CD69: variants seen among roughly 807,000 people sequenced by gnomAD.
CD69 encodes the protein early activation antigen CD69.
In CD69, 10 loss-of-function variants were observed where a neutral mutation model predicts 21.4. That is an observed-to-expected ratio of 0.47 (90% CI 0.29 to 0.79). The LOEUF is 0.79. Ranked by LOEUF, CD69 falls within the 30% of genes least tolerant of loss-of-function variation. The pLI is 0.09. For synonymous variants in CD69, 63 were observed against 78.2 expected (o/e 0.81, Z 1.03); for missense variants, 204 against 236.9 (o/e 0.86, Z 0.91).
intron 1 of CD69, 55 bp from the exon 2 acceptor site, chr12:9,756,474 A>G: frequency 4.3e-6 from 6 of 1,393,514 alleles, no homozygotes; most frequent in Non-Finnish European, 5.9e-6. Flanking sequence ...GTACTATAGG[A>G]ATATGCAACA....
At chr12:9,756,789 A>G (rs1866683011) in intron 1 of CD69, among the ~76,000 whole-genome samples, 1 of 152,190 alleles carries the variant, frequency 6.6e-6, no homozygotes, top group South Asian at 2.1e-4. Flanking sequence ...ACACATAAAA[A>G]AATTCTAGGG....
intron 2 of CD69, among the ~76,000 whole-genome samples, chr12:9,755,484 G>A (rs3176797): frequency 0.034 from 5,128 of 152,240 alleles, 291 homozygotes; most frequent in African/African-American, 0.12. Context: ...GAGGATGAGG[G>A]GATGTACTTT....
chr12:9,760,673 G>T, intron 1 of CD69, 84 bp downstream of exon 1: 1 of 941,438 alleles, frequency 1.1e-6, no homozygotes, highest in Non-Finnish European at 1.7e-6. Context: ...TATATAGAGA[G>T]ATTACCAGTA....
In CD69 at chr12:9,760,859, T is replaced by C. The variant is rs775971955; in HGVS notation, c.-39A>G. 1 of 1,544,460 alleles carries C rather than the reference T, an allele frequency of 6.5e-7. No individual in the cohort carries two copies. The highest frequency in any genetic ancestry group is 2.2e-5 in the East Asian group (1 of 44,560). On this transcript the variant is annotated 5_prime_UTR_variant, in exon 1 of 5. Coordinates refer to ENST00000228434, the MANE Select transcript of CD69 (RefSeq NM_001781.2). ...ATTCCCTAGTTAATCTCAGGTCAAG[T>C]CAAGCTACAGTGAAAGTCTTTGCTG...
chr12:9,760,653 T>G, intron 1 of CD69, 104 bp downstream of exon 1: 1 of 809,640 alleles, frequency 1.2e-6, no homozygotes, highest in Non-Finnish European at 2.0e-6. Flanking sequence ...TTCTCTAAGA[T>G]TATATATCAT....
In CD69 at chr12:9,753,547, G is replaced by A; in HGVS notation, c.534C>T (p.Asn178=). The change falls in exon 5 of 5, where the codon AAC becomes AAT. Residue 178 remains asparagine (N), a synonymous_variant. Transcript: ENST00000228434. The part of the protein sequence containing the change: ...TGSDKCVFLK[N]TEVSSMECEK... The stretch of plus-strand genomic sequence containing the variant: ...CACATTCCATGCTGCTGACCTCTGT[G>A]TTTTTCAGAAAAACACACTTGTCAG... 1 of 1,589,086 alleles carries A rather than the reference G, an allele frequency of 6.3e-7. No individual in the cohort carries two copies. Among genetic ancestry groups the A allele is most frequent in the Non-Finnish European group, 8.6e-7 (1 of 1,159,598 alleles).
At chr12:9,755,625 G>A (rs1431116612) in intron 2 of CD69, among the ~76,000 whole-genome samples, 1 of 152,142 alleles carries the variant, frequency 6.6e-6, no homozygotes, top group East Asian at 1.9e-4. Flanking sequence ...ATGCAGAGGC[G>A]GAAGAATTTG....
At position 9,753,466 on chromosome 12, in the gene CD69, G is replaced by T. The variant is rs751939370; in HGVS notation, c.*15C>A. ...TTCCATTCTATAATAGTCAATAAGT[G>T]AACATGTTTCCTTATTATTTGTAAG... On this transcript the variant is annotated 3_prime_UTR_variant, in exon 5 of 5. Transcript: ENST00000228434. 9.3e-7 allele frequency: 1 copy of T among 1,070,770 alleles called. No individual in the cohort carries two copies. The highest frequency in any genetic ancestry group is 1.3e-5 in the South Asian group (1 of 76,768). 66.3% of individuals were successfully genotyped at this position (1,070,770 alleles called of 1,614,324 possible). A position where few individuals can be genotyped will look rare whatever the true frequency, so the allele number is the denominator to read the frequency against.
At chr12:9,757,746 CTT>C (rs1866691121) in intron 1 of CD69, among the ~76,000 whole-genome samples, 1 of 152,072 alleles carries the variant, frequency 6.6e-6, no homozygotes, top group African/African-American at 2.4e-5. Flanking sequence ...CAGTAGTTGC[CTT>C]TGTGTGTGTA....
At chr12:9,754,991 G>T in intron 3 of CD69, 71 bp downstream of exon 3, 1 of 1,263,438 alleles carries the variant, frequency 7.9e-7, no homozygotes. Context: ...TCTCCACTTA[G>T]AAACGGAAGG....
chr12:9,752,757 T>C lies in CD69; in HGVS notation c.*724A>G, dbSNP rs1236826191. 6.6e-6 allele frequency: 1 copy of C among 152,628 alleles called. No individual in the cohort carries two copies. The highest frequency in any genetic ancestry group is 1.5e-5 in the Non-Finnish European group (1 of 68,030). 9.5% of individuals were successfully genotyped at this position (152,628 alleles called of 1,614,324 possible). A position where few individuals can be genotyped will look rare whatever the true frequency, so the allele number is the denominator to read the frequency against. On this transcript the variant is annotated 3_prime_UTR_variant, in exon 5 of 5. Transcript: ENST00000228434. ...ACACTATTCTATGTCTTGCAAATAT[T>C]CCTCATAGTCTTTGCTTATGTCTTT...
At chr12:9,757,566 C>T (rs142729530) in intron 1 of CD69, among the ~76,000 whole-genome samples, 289 of 152,110 alleles carry the variant, frequency 1.9e-3, no homozygotes, top group African/African-American at 6.7e-3. Context: ...CAAGGGAATT[C>T]CGCTCAGCAA....
At chr12:9,756,487 C>A (rs1308770339) in intron 1 of CD69, 68 bp from the exon 2 acceptor site, 19 of 1,267,118 alleles carry the variant, frequency 1.5e-5, no homozygotes, top group Non-Finnish European at 2.0e-5. Flanking sequence ...ATGCAACATT[C>A]TTTTGAGGCA....
rs745992202 is a variant in CD69, at chr12:9,754,790, C to T, written c.388-100G>A. 48 of 824,554 alleles carry T rather than the reference C, an allele frequency of 5.8e-5. No individual in the cohort carries two copies. The African/African-American group carries it at 7.6e-4, about 13-fold the overall frequency. 51.1% of individuals were successfully genotyped at this position (824,554 alleles called of 1,614,324 possible). A position where few individuals can be genotyped will look rare whatever the true frequency, so the allele number is the denominator to read the frequency against. The stretch of plus-strand genomic sequence containing the variant: ...AAAGCTGCAACTTGAGGCATGACAG[C>T]TTATCTGACCATGTACTCATTCTAT... On this transcript the variant is annotated intron_variant, in intron 3 of 4. Transcript: ENST00000228434.
At chr12:9,759,827 T>C (rs185147548) in intron 1 of CD69, among the ~76,000 whole-genome samples, 64 of 152,214 alleles carry the variant, frequency 4.2e-4, no homozygotes, top group Middle Eastern at 3.4e-3. Context: ...GAAAGAGGGA[T>C]AAATAGAAAA....
In CD69 at chr12:9,753,411, G is replaced by A; in HGVS notation, c.*70C>T. On this transcript the variant is annotated 3_prime_UTR_variant, in exon 5 of 5. Transcript: ENST00000228434. ...TCTATGGAAGACTTCGGACCACAGA[G>A]CAGCATCCACTGACACAGATTTCCT... The A allele has an allele frequency of 1.5e-6, 1 of 660,786 alleles. No individual in the cohort carries two copies. Among genetic ancestry groups the A allele is most frequent in the Non-Finnish European group, 2.6e-6 (1 of 381,640 alleles). The allele number at this position is 660,786 out of a possible 1,614,324, so 40.9% of individuals were successfully genotyped here.
Sources: gnomAD v4.1 joint callset for allele counts (sites outside exome capture counted in the v4.1 genomes callset) on GRCh38, gnomAD v4.1.1 for gene constraint, MANE v1.5 for transcripts, NCBI Gene and HGNC (gene_info 2026-07-23, HGNC 2026-07-21) for gene names.